B3GALNT2: variants seen among roughly 807,000 people sequenced by gnomAD.
B3GALNT2 encodes the protein beta-1,3-N-acetylgalactosaminyltransferase 2, also known as UDP-GalNAc:beta-1,3-N-acetylgalactosaminyltransferase 2.
Under a neutral mutation model 61.1 loss-of-function variants are expected in B3GALNT2, and 53 were observed. The ratio of observed to expected loss-of-function variants is 0.87; its 90% CI spans 0.70 to 1.09. B3GALNT2 has a LOEUF of 1.09. Among genes scored for constraint, B3GALNT2 ranks in the 50% least tolerant of loss-of-function variants. B3GALNT2 has a pLI of 0.00. For synonymous variants in B3GALNT2, 223 were observed against 237.4 expected (o/e 0.94, Z 0.56); for missense variants, 544 against 623.0 (o/e 0.87, Z 1.35).
At chr1:235,494,966 C>T in intron 1 of B3GALNT2, 138 bp from the exon 2 acceptor site, 1 of 907,884 alleles carries the variant, frequency 1.1e-6, no homozygotes, top group Non-Finnish European at 1.6e-6. Flanking sequence ...ATTTTTAAAT[C>T]ACATATGAAC....
intron 3 of B3GALNT2, 123 bp from the exon 4 acceptor site, chr1:235,484,638 G>A: frequency 1.4e-6 from 2 of 1,383,624 alleles, no homozygotes; most frequent in Non-Finnish European, 1.9e-6. Context: ...ATTCACAAAT[G>A]GCAGGAATTT....
chr1:235,459,446 G>A (rs1683314725), intron 7 of B3GALNT2, among the ~76,000 whole-genome samples: 1 of 152,034 alleles, frequency 6.6e-6, no homozygotes, highest in Non-Finnish European at 1.5e-5. Flanking sequence ...TATATAGGGA[G>A]ACCCCATCTC....
At chr1:235,457,700 T>C (rs1683230686) in intron 8 of B3GALNT2, among the ~76,000 whole-genome samples, 1 of 151,694 alleles carries the variant, frequency 6.6e-6, no homozygotes, top group South Asian at 2.1e-4. Flanking sequence ...ACGGATGGAG[T>C]AGAGACTGGA....
In B3GALNT2 at chr1:235,470,347, T is replaced by C. The variant is rs531166029; in HGVS notation, c.762+503A>G. Among the ~76,000 whole-genome samples the C allele has an allele frequency of 5.9e-5, 9 of 152,108 alleles. No individual in the cohort carries two copies. The South Asian group carries it at 1.5e-3, about 25-fold the overall frequency. On this transcript the variant is annotated intron_variant, in intron 6 of 11. Coordinates refer to ENST00000366600, the MANE Select transcript of B3GALNT2 (RefSeq NM_152490.5). ...TGGCTCATGCCTGTAATACAGCACTTTGGGAAGCGTAGGTGGGCGGATCAC... is the reference window on the plus strand; with the variant it reads ...TGGCTCATGCCTGTAATACAGCACTCTGGGAAGCGTAGGTGGGCGGATCAC...
intron 5 of B3GALNT2, among the ~76,000 whole-genome samples, chr1:235,475,414 T>C (rs1217630380): frequency 2.0e-5 from 3 of 152,128 alleles, no homozygotes; most frequent in Non-Finnish European, 4.4e-5. Context: ...ACAGGCGACC[T>C]GCTTACTGGA....
At chr1:235,455,758 C>T in intron 8 of B3GALNT2, 74 bp from the exon 9 acceptor site, 1 of 1,467,948 alleles carries the variant, frequency 6.8e-7, no homozygotes, top group East Asian at 2.3e-5. Flanking sequence ...GTCACTAACA[C>T]TTTCATTCAA....
At chr1:235,450,547 A>G (rs1172301876) in intron 11 of B3GALNT2, 5 of 541,162 alleles carry the variant, frequency 9.2e-6, no homozygotes, top group Non-Finnish European at 1.6e-5. Context: ...TGGCTGTGGA[A>G]TACAGAAACA....
At position 235,498,894 on chromosome 1, in the gene B3GALNT2, C is replaced by T. The variant is rs181553420; in HGVS notation, c.113-4066G>A. Among the ~76,000 whole-genome samples, 40 of 134,812 alleles carry T rather than the reference C, an allele frequency of 3.0e-4. 1 individual carries two copies. In the East Asian group the frequency reaches 0.011, roughly 37 times the overall value. The allele number at this position is 134,812 out of a possible 152,430, so 88.4% of individuals were successfully genotyped here. A position where few individuals can be genotyped will look rare whatever the true frequency, so the allele number is the denominator to read the frequency against. On this transcript the variant is annotated intron_variant, in intron 1 of 11. Transcript: ENST00000366600. ...AAAAAAAGGCTACTCTTTTTCATTG[C>T]GGGAAGGAATGTAATTTGGTACAGT...
At chr1:235,472,415 T>A (rs1025036178) in intron 5 of B3GALNT2, among the ~76,000 whole-genome samples, 3 of 152,206 alleles carry the variant, frequency 2.0e-5, no homozygotes. Context: ...CTCCACTACC[T>A]TCTCCTCCGA....
rs1441388570 is a variant in B3GALNT2 at position 235,494,701 on chromosome 1, C to T, written c.240G>A (p.Gln80=). 1 of 1,612,990 alleles carries T rather than the reference C, an allele frequency of 6.2e-7. No individual in the cohort carries two copies. Among genetic ancestry groups the T allele is most frequent in the Non-Finnish European group, 8.5e-7 (1 of 1,179,304 alleles). The change falls in exon 2 of 12, where the codon CAG becomes CAA. Residue 80 remains glutamine (Q), a synonymous_variant. Transcript: ENST00000366600. ...CCTACCGTTGACTTAATGTGGGATGCTGTAGCAAATGTCTCATCCAGGTGC... is the reference window on the plus strand; with the variant it reads ...CCTACCGTTGACTTAATGTGGGATGTTGTAGCAAATGTCTCATCCAGGTGC... ...IRSTWMRHLL[Q]HPTLSQRVLV...
At chr1:235,488,692 C>CAAAAAAAAA (rs11436508) in intron 3 of B3GALNT2, among the ~76,000 whole-genome samples, 8 of 38,016 alleles carry the variant, frequency 2.1e-4, no homozygotes, top group Non-Finnish European at 1.7e-4. Context: ...ACTCCATCTC[C>CAAAAAAAAA]AAAAAAAAAA....
intron 7 of B3GALNT2, among the ~76,000 whole-genome samples, chr1:235,463,147 T>C (rs529896502): frequency 3.3e-5 from 5 of 152,284 alleles, no homozygotes; most frequent in South Asian, 4.1e-4. Flanking sequence ...AAACATCGTA[T>C]GTTCTCACTC....
chr1:235,473,933 A>G (rs1203669062), intron 5 of B3GALNT2, among the ~76,000 whole-genome samples: 1 of 152,150 alleles, frequency 6.6e-6, no homozygotes, highest in Non-Finnish European at 1.5e-5. Flanking sequence ...CTGGCACCCA[A>G]CTCCATTTTG....
At position 235,450,199 on chromosome 1, in the gene B3GALNT2, G is replaced by A. The variant is rs749364216; in HGVS notation, c.*7C>T. 6.5e-5 allele frequency: 105 copies of A among 1,613,920 alleles called. No homozygotes were observed. In the Middle Eastern group the frequency reaches 1.2e-3, roughly 18 times the overall value. On this transcript the variant is annotated 3_prime_UTR_variant, in exon 12 of 12. Coordinates refer to ENST00000366600, the MANE Select transcript of B3GALNT2 (RefSeq NM_152490.5). The stretch of plus-strand genomic sequence containing the variant: ...CTGATTTTAGACTCTGCTAATTCAA[G>A]TCCCTGTTATCTTGCTTGACATCGA...
At chr1:235,465,500 A>G (rs1487728832) in intron 7 of B3GALNT2, 136 bp downstream of exon 7, 20 of 1,338,840 alleles carry the variant, frequency 1.5e-5, no homozygotes, top group Non-Finnish European at 1.9e-5. Flanking sequence ...AAAACCACTG[A>G]ACCACTTTAA....
At chr1:235,441,992 T>C in the B3GALNT2 span, 1 of 969,740 alleles carries the variant, frequency 1.0e-6, no homozygotes, top group South Asian at 1.5e-5. Flanking sequence ...GTAAATGCCT[T>C]GAGTTTTAAA....
chr1:235,484,609 G>C, intron 3 of B3GALNT2, 94 bp from the exon 4 acceptor site: 1 of 1,416,280 alleles, frequency 7.1e-7, no homozygotes, highest in Middle Eastern at 2.3e-4. Context: ...CCAAAACCTA[G>C]GTAATCATTT....
Position 235,448,569 on chromosome 1 carries a change from G to C in B3GALNT2, c.*1637C>G. 1 of 1,370,484 alleles carries C rather than the reference G, an allele frequency of 7.3e-7. No individual in the cohort carries two copies. The highest frequency in any genetic ancestry group is 1.0e-6 in the Non-Finnish European group (1 of 958,718). The allele number at this position is 1,370,484 out of a possible 1,614,324, so 84.9% of individuals were successfully genotyped here. On this transcript the variant is annotated 3_prime_UTR_variant, in exon 12 of 12. Transcript: ENST00000366600. ...TGGGTCTGTTTGTTTGATTTTAAGG[G>C]TAAGCTACTGCCTGGGGACGGGGTG...
chr1:235,448,758 G>C lies in B3GALNT2; in HGVS notation c.*1448C>G. The C allele has an allele frequency of 1.2e-6, 2 of 1,609,532 alleles. No homozygotes were observed. Among genetic ancestry groups the C allele is most frequent in the Non-Finnish European group, 1.7e-6 (2 of 1,176,078 alleles). On this transcript the variant is annotated 3_prime_UTR_variant, in exon 12 of 12. Transcript: ENST00000366600. ...AATGGAGATTGTCTATTAGTGCGAT[G>C]GTGACAACCAACTAATAAAATTTAA...
Sources: gnomAD v4.1 joint callset for allele counts (sites outside exome capture counted in the v4.1 genomes callset) on GRCh38, gnomAD v4.1.1 for gene constraint, MANE v1.5 for transcripts, NCBI Gene and HGNC (gene_info 2026-07-23, HGNC 2026-07-21) for gene names.